The following ADAMTSL3 variants were observed in gnomAD, a reference collection of about 807,000 sequenced individuals.
ADAMTSL3 encodes ADAMTS-like protein 3.
Under a neutral mutation model 201.7 loss-of-function variants are expected in ADAMTSL3, and 128 were observed. The ratio of observed to expected loss-of-function variants is 0.63; its 90% CI spans 0.55 to 0.73. The LOEUF is 0.73. Among genes scored for constraint, ADAMTSL3 ranks in the 30% least tolerant of loss-of-function variants. The probability of loss-of-function intolerance (pLI) is 0.00; values close to 1 mark genes in which losing one functional copy is unlikely to be tolerated. For missense variants in ADAMTSL3, 1,990 were observed against 2,119.6 expected, an observed-to-expected ratio of 0.94 and a Z score of 1.20; for synonymous variants, 738 against 748.4, an observed-to-expected ratio of 0.99 and a Z score of 0.23.
At chr15:83,661,180 T>C (rs2061157730) in intron 2 of ADAMTSL3, among the ~76,000 whole-genome samples, 1 of 152,162 alleles carries the variant, frequency 6.6e-6, no homozygotes, top group Non-Finnish European at 1.5e-5. Context: ...TTTTGGTTAC[T>C]GTAGCCTTGT....
intron 20 of ADAMTSL3, among the ~76,000 whole-genome samples, chr15:83,981,314 G>A (rs981781874): frequency 7.9e-5 from 12 of 152,288 alleles, no homozygotes; most frequent in Middle Eastern, 3.4e-3. Context: ...AAGAGGAGCC[G>A]ATCGATGCCC....
At chr15:83,944,787 C>T (rs956922018) in intron 19 of ADAMTSL3, among the ~76,000 whole-genome samples, 1 of 152,198 alleles carries the variant, frequency 6.6e-6, no homozygotes, top group Non-Finnish European at 1.5e-5. Context: ...TTGTTAAATA[C>T]ACCTAACCTC....
intron 7 of ADAMTSL3, among the ~76,000 whole-genome samples, chr15:83,841,601 G>T (rs1262108294): frequency 6.6e-6 from 1 of 152,072 alleles, no homozygotes; most frequent in Non-Finnish European, 1.5e-5. Flanking sequence ...AATGCTAGCT[G>T]CATTTTTGTT....
chr15:83,994,446 G>C (rs1167201820), intron 23 of ADAMTSL3, among the ~76,000 whole-genome samples: 1 of 152,150 alleles, frequency 6.6e-6, no homozygotes, highest in Non-Finnish European at 1.5e-5. Flanking sequence ...ATCTAGTCAT[G>C]TGGATGACTA....
intron 20 of ADAMTSL3, among the ~76,000 whole-genome samples, chr15:83,977,909 C>G (rs1051100080): frequency 6.6e-6 from 1 of 152,222 alleles, no homozygotes; most frequent in Non-Finnish European, 1.5e-5. Context: ...TCTCAGCCCA[C>G]TGTGTTCAGA....
chr15:83,755,427 CT>C (rs954373008), intron 3 of ADAMTSL3, among the ~76,000 whole-genome samples: 31 of 152,168 alleles, frequency 2.0e-4, no homozygotes, highest in African/African-American at 7.2e-4. Flanking sequence ...CTATTCTCTC[CT>C]CCCCCAGTCC....
At chr15:83,874,428 T>C (rs900149634) in intron 9 of ADAMTSL3, among the ~76,000 whole-genome samples, 1 of 144,348 alleles carries the variant, frequency 6.9e-6, no homozygotes, top group Non-Finnish European at 1.5e-5. Context: ...TCCTGAGTGG[T>C]AATGGAAGAC....
chr15:83,933,688 C>T (rs2142012497), intron 17 of ADAMTSL3, among the ~76,000 whole-genome samples: 1 of 152,360 alleles, frequency 6.6e-6, no homozygotes, highest in East Asian at 1.9e-4. Context: ...CCCCTCCCAT[C>T]ACAGGCCCAG....
At chr15:83,867,046 C>G (rs536356457) in intron 8 of ADAMTSL3, among the ~76,000 whole-genome samples, 1 of 152,174 alleles carries the variant, frequency 6.6e-6, no homozygotes, top group East Asian at 1.9e-4. Flanking sequence ...TTCTGAATAT[C>G]TAAATATAGA....
At chr15:84,034,245 G>A (rs1425278729) in intron 28 of ADAMTSL3, among the ~76,000 whole-genome samples, 1 of 152,162 alleles carries the variant, frequency 6.6e-6, no homozygotes, top group African/African-American at 2.4e-5. Context: ...TGGGCTCTCT[G>A]TAGGTAGGTG....
chr15:83,727,312 A>G (rs1298412713), intron 3 of ADAMTSL3, among the ~76,000 whole-genome samples: 1 of 147,996 alleles, frequency 6.8e-6, no homozygotes, highest in African/African-American at 2.5e-5. Flanking sequence ...GGGTTTGTTG[A>G]TTTTGTTTAT....
At chr15:83,998,808 A>T (rs561040723) in intron 23 of ADAMTSL3, among the ~76,000 whole-genome samples, 1 of 152,194 alleles carries the variant, frequency 6.6e-6, no homozygotes, top group African/African-American at 2.4e-5. Flanking sequence ...ACTAGATAAG[A>T]TCTTACTGAA....
intron 8 of ADAMTSL3, chr15:83,862,588 C>T (rs1413489421): frequency 6.6e-6 from 1 of 152,180 alleles, no homozygotes; most frequent in Non-Finnish European, 1.5e-5. Flanking sequence ...TTGTCACCAC[C>T]AGGCCTGCCC....
intron 8 of ADAMTSL3, among the ~76,000 whole-genome samples, chr15:83,868,411 C>G (rs1266530469): frequency 1.3e-5 from 2 of 152,162 alleles, no homozygotes; most frequent in Admixed American, 6.5e-5. Context: ...GGCACCAGCA[C>G]AAAGAAGCAA....
At chr15:83,748,957 T>C (rs1000575586) in intron 3 of ADAMTSL3, among the ~76,000 whole-genome samples, 4 of 152,098 alleles carry the variant, frequency 2.6e-5, no homozygotes, top group African/African-American at 4.8e-5. Context: ...GCAAGATGGT[T>C]ACTTGGGAGT....
chr15:83,968,278 A>C (rs1280946225), intron 19 of ADAMTSL3, among the ~76,000 whole-genome samples: 2 of 152,210 alleles, frequency 1.3e-5, no homozygotes, highest in Admixed American at 1.3e-4. Flanking sequence ...TTTGCAATCT[A>C]TCCATCTGTC....
chr15:83,785,537 C>G (rs1474545445), intron 4 of ADAMTSL3, among the ~76,000 whole-genome samples: 2 of 152,004 alleles, frequency 1.3e-5, no homozygotes, highest in Non-Finnish European at 2.9e-5. Context: ...CCATAGGAGT[C>G]TTTATTTTTT....
chr15:83,676,872 C>T (rs568090615), intron 2 of ADAMTSL3, among the ~76,000 whole-genome samples: 1 of 152,342 alleles, frequency 6.6e-6, no homozygotes, highest in East Asian at 1.9e-4. Context: ...AGAGTAGGCC[C>T]TCACCAGATA....
chr15:83,706,683 C>A (rs913830619), intron 3 of ADAMTSL3, among the ~76,000 whole-genome samples: 2 of 151,974 alleles, frequency 1.3e-5, no homozygotes, highest in African/African-American at 4.8e-5. Context: ...TTCTGTCACC[C>A]AGGCTGAAGT....
Sources: allele counts gnomAD v4.1 joint callset (sites outside exome capture counted in the v4.1 genomes callset), GRCh38; gene constraint gnomAD v4.1.1; transcripts MANE v1.5; gene names NCBI Gene and HGNC (gene_info 2026-07-23, HGNC 2026-07-21).